The following IFT88 variants were observed in gnomAD, a reference collection of about 807,000 sequenced individuals.
IFT88 encodes intraflagellar transport 88.
A neutral mutation model predicts 119.5 loss-of-function variants in IFT88; 74 were observed. That is an observed-to-expected ratio of 0.62 (90% CI 0.51 to 0.75). The LOEUF is 0.75. IFT88 is among the 30% of genes least tolerant of loss of function. The pLI, the probability that IFT88 is intolerant of heterozygous loss-of-function variation, is 0.00. For missense variants in IFT88, 961 were observed against 977.7 expected (o/e 0.98, Z 0.23); for synonymous variants, 279 against 316.7 (o/e 0.88, Z 1.26).
intron 1 of IFT88, among the ~76,000 whole-genome samples, 167 bp downstream of exon 1, chr13:20,567,423 C>A (rs1399302751): frequency 1.3e-5 from 2 of 152,258 alleles, no homozygotes; most frequent in Non-Finnish European, 2.9e-5. Flanking sequence ...CGGCCTGCCC[C>A]TGCTTTTCTT....
intron 12 of IFT88, among the ~76,000 whole-genome samples, chr13:20,604,079 A>T (rs1459849064): frequency 6.6e-6 from 1 of 151,802 alleles, no homozygotes; most frequent in Non-Finnish European, 1.5e-5. Flanking sequence ...AATAACAAAT[A>T]AAAAAAATAT....
chr13:20,604,800 C>T (rs9509297), intron 12 of IFT88, among the ~76,000 whole-genome samples: 4,375 of 151,966 alleles, frequency 0.029, 94 homozygotes, highest in Non-Finnish European at 0.042. Context: ...ACAAAAAATA[C>T]AAAAATTAGC....
chr13:20,592,606 A>G (rs2040879456), intron 7 of IFT88, among the ~76,000 whole-genome samples: 1 of 151,930 alleles, frequency 6.6e-6, no homozygotes, highest in Non-Finnish European at 1.5e-5. Context: ...AGTAGCTGGG[A>G]TTACAGGTGC....
At chr13:20,612,977 A>G (rs2139563212) in intron 13 of IFT88, among the ~76,000 whole-genome samples, 1 of 152,300 alleles carries the variant, frequency 6.6e-6, no homozygotes, top group African/African-American at 2.4e-5. Context: ...TAAGAGCTAA[A>G]ACTATAAAAT....
Position 20,578,031 on chromosome 13 carries a change from CTTCTTT to C in IFT88, c.90+3559_90+3564del, listed in dbSNP as rs1374520324. Among the ~76,000 whole-genome samples, 40 of 59,848 alleles carry C rather than the reference CTTCTTT, an allele frequency of 6.7e-4. 2 individuals carry two copies. The highest frequency in any genetic ancestry group is 2.0e-3 in the African/African-American group (39 of 19,470). The allele number at this position is 59,848 out of a possible 152,430, so 39.3% of individuals were successfully genotyped here. A position where few individuals can be genotyped will look rare whatever the true frequency, so the allele number is the denominator to read the frequency against. On this transcript the variant is annotated intron_variant, in intron 2 of 25. Coordinates refer to ENST00000351808, the MANE Select transcript of IFT88 (RefSeq NM_006531.5). ...TTTTATTGTGGCTTCAGTCTTGTTA[CTTCTTT>C]TTTTTTTTTTTTTTTTTTTTTTTTT...
intron 13 of IFT88, 70 bp downstream of exon 13, chr13:20,605,175 ATACT>A (rs1244326302): frequency 1.4e-5 from 8 of 586,306 alleles, no homozygotes; most frequent in Admixed American, 3.5e-5. Context: ...TAGTATTAAG[ATACT>A]TAATATTTGA....
At chr13:20,682,644 G>A (rs1395941838) in intron 24 of IFT88, among the ~76,000 whole-genome samples, 2 of 152,148 alleles carry the variant, frequency 1.3e-5, no homozygotes, top group African/African-American at 2.4e-5. Flanking sequence ...TAATTAAACC[G>A]GCTCGAGAAA....
chr13:20,592,924 GC>G (rs1193162603), intron 7 of IFT88, among the ~76,000 whole-genome samples: 1,784 of 152,020 alleles, frequency 0.012, 34 homozygotes, highest in African/African-American at 0.041. Flanking sequence ...ATTAAGAATA[GC>G]CATATGTATT....
intron 11 of IFT88, among the ~76,000 whole-genome samples, chr13:20,600,861 A>G (rs572423273): frequency 6.6e-6 from 1 of 152,378 alleles, no homozygotes; most frequent in South Asian, 2.1e-4. Context: ...AAACAAGACG[A>G]ATGTCTACCA....
chr13:20,663,679 G>A lies in IFT88; in HGVS notation c.2175+75G>A, dbSNP rs911681572. The stretch of plus-strand genomic sequence containing the variant: ...GCCTTCTATAGCTCAAATGTGTGAT[G>A]TTAGGAGCTTCTATAAGAAAACAGA... On this transcript the variant is annotated intron_variant, in intron 23 of 25. Coordinates refer to ENST00000351808, the MANE Select transcript of IFT88 (RefSeq NM_006531.5). 2.9e-6 allele frequency: 3 copies of A among 1,018,882 alleles called. No homozygotes were observed. The African/African-American group carries it at 4.9e-5, about 17-fold the overall frequency. The allele number at this position is 1,018,882 out of a possible 1,614,324, so 63.1% of individuals were successfully genotyped here. A position where few individuals can be genotyped will look rare whatever the true frequency, so the allele number is the denominator to read the frequency against.
chr13:20,603,230 C>T (rs3002168), intron 12 of IFT88, among the ~76,000 whole-genome samples: 33,963 of 151,620 alleles, frequency 0.22, 4,531 homozygotes, highest in African/African-American at 0.36. Context: ...ATTTTCTTAA[C>T]AGATTATATT....
intron 13 of IFT88, among the ~76,000 whole-genome samples, chr13:20,608,650 C>A (rs1271739320): frequency 6.6e-6 from 1 of 152,122 alleles, no homozygotes; most frequent in Non-Finnish European, 1.5e-5. Context: ...TGCATAGGAC[C>A]AACAGGGTCA....
At chr13:20,614,498 A>G (rs1047095456) in intron 13 of IFT88, 1 of 152,222 alleles carries the variant, frequency 6.6e-6, no homozygotes, top group African/African-American at 2.4e-5. Flanking sequence ...TTCTTTATAT[A>G]TAACACTCTT....
intron 22 of IFT88, among the ~76,000 whole-genome samples, chr13:20,656,877 T>C (rs2052897516): frequency 6.6e-6 from 1 of 152,146 alleles, no homozygotes; most frequent in Non-Finnish European, 1.5e-5. Flanking sequence ...AATTTTTTTT[T>C]AGACAGAGTC....
intron 20 of IFT88, among the ~76,000 whole-genome samples, chr13:20,648,327 C>T (rs554099616): frequency 6.6e-6 from 1 of 152,200 alleles, no homozygotes; most frequent in South Asian, 2.1e-4. Flanking sequence ...ACCCGGGAGG[C>T]GGAGGTTGCA....
chr13:20,668,995 G>A (rs1287880087), intron 23 of IFT88, among the ~76,000 whole-genome samples: 1 of 152,172 alleles, frequency 6.6e-6, no homozygotes, highest in Non-Finnish European at 1.5e-5. Flanking sequence ...CCTGGTTTTT[G>A]TACTGATGGA....
At chr13:20,621,526 T>TTAAAAAAAAA (rs1476682272) in intron 14 of IFT88, among the ~76,000 whole-genome samples, 1 of 130,796 alleles carries the variant, frequency 7.6e-6, no homozygotes, top group African/African-American at 3.2e-5. Context: ...CCTGCTGAGA[T>TTAAAAAAAAA]AAAAAAAAAA....
chr13:20,617,232 GC>G (rs2045775976), intron 14 of IFT88, among the ~76,000 whole-genome samples: 1 of 152,106 alleles, frequency 6.6e-6, no homozygotes, highest in South Asian at 2.1e-4. Context: ...TGCACAATTT[GC>G]TAGTGTGTTT....
intron 2 of IFT88, among the ~76,000 whole-genome samples, chr13:20,581,529 TG>T (rs2038644297): frequency 6.6e-6 from 1 of 152,226 alleles, no homozygotes; most frequent in African/African-American, 2.4e-5. Context: ...TATGGGTAAC[TG>T]AGAATCGTGT....
Sources: gnomAD v4.1 joint callset for allele counts (sites outside exome capture counted in the v4.1 genomes callset) on GRCh38, gnomAD v4.1.1 for gene constraint, MANE v1.5 for transcripts, NCBI Gene and HGNC (gene_info 2026-07-23, HGNC 2026-07-21) for gene names.